The following IL1RAPL2 variants were observed in gnomAD, a reference collection of about 807,000 sequenced individuals.
IL1RAPL2 encodes the protein interleukin 1 receptor accessory protein like 2.
A neutral mutation model predicts 44.1 loss-of-function variants in IL1RAPL2; 3 were observed. The ratio of observed to expected loss-of-function variants is 0.07; its 90% confidence interval spans 0.03 to 0.18. IL1RAPL2 has a LOEUF of 0.18. Ranked by LOEUF, IL1RAPL2 falls within the 10% of genes least tolerant of loss-of-function variation. The probability of loss-of-function intolerance (pLI) is 1.00; values close to 1 mark genes in which losing one functional copy is unlikely to be tolerated. For missense variants in IL1RAPL2, 391 were observed against 496.4 expected (o/e 0.79, Z 2.02); for synonymous variants, 181 against 178.8 (o/e 1.01, Z -0.10).
In IL1RAPL2 at chrX:105,327,902, G is replaced by T. The variant is rs781190727; in HGVS notation, c.697+60361G>T. On this transcript the variant is annotated intron_variant, in intron 5 of 10. Coordinates refer to ENST00000372582, the MANE Select transcript of IL1RAPL2 (RefSeq NM_017416.2). ...TATACATTTAAATCAGCAAACCTTG[G>T]GAGAGCATACTTTCTCAGCAATGTT... Among the ~76,000 whole-genome samples, 4 of 111,097 alleles carry T rather than the reference G, an allele frequency of 3.6e-5. No homozygotes were observed. The South Asian group carries it at 1.5e-3, about 42-fold the overall frequency.
chrX:104,856,487 A>AT (rs1173193794), intron 2 of IL1RAPL2, among the ~76,000 whole-genome samples: 41 of 112,132 alleles, frequency 3.7e-4, no homozygotes, highest in African/African-American at 1.3e-3. Flanking sequence ...TTGATATGAA[A>AT]TTGGTAAGAA....
intron 5 of IL1RAPL2, among the ~76,000 whole-genome samples, chrX:105,407,960 A>T (rs1245447108): frequency 1.8e-5 from 2 of 112,007 alleles, no homozygotes; most frequent in African/African-American, 3.2e-5. Context: ...ATATTCATTT[A>T]ATTCAAATAC....
At chrX:105,010,797 G>A (rs761406440) in intron 2 of IL1RAPL2, among the ~76,000 whole-genome samples, 1 of 111,192 alleles carries the variant, frequency 9.0e-6, no homozygotes, top group African/African-American at 3.3e-5. Context: ...AATTAACAAA[G>A]TTTTATGGTG....
intron 2 of IL1RAPL2, among the ~76,000 whole-genome samples, chrX:105,155,042 A>T (rs1327618388): frequency 9.0e-6 from 1 of 111,467 alleles, no homozygotes; most frequent in South Asian, 3.7e-4. Flanking sequence ...CTTTGGTAAT[A>T]TATCTCATCC....
chrX:105,002,028 G>A (rs1027906633), intron 2 of IL1RAPL2, among the ~76,000 whole-genome samples: 2 of 110,910 alleles, frequency 1.8e-5, no homozygotes, highest in African/African-American at 6.5e-5. Context: ...TCTGCAGAAC[G>A]AATTTCGGAA....
chrX:105,260,800 G>A (rs1415313458), intron 4 of IL1RAPL2, among the ~76,000 whole-genome samples: 1 of 112,604 alleles, frequency 8.9e-6, no homozygotes, highest in Non-Finnish European at 1.9e-5. Flanking sequence ...CACCCAAACA[G>A]CAAAGATTCC....
intron 5 of IL1RAPL2, among the ~76,000 whole-genome samples, chrX:105,286,507 A>G (rs1235406830): frequency 1.8e-5 from 2 of 109,742 alleles, no homozygotes; most frequent in African/African-American, 3.3e-5. Context: ...TACTACTACT[A>G]TCACCATTAA....
chrX:104,695,803 C>T (rs775970289), intron 2 of IL1RAPL2, among the ~76,000 whole-genome samples: 2 of 110,779 alleles, frequency 1.8e-5, no homozygotes, highest in African/African-American at 3.3e-5. Context: ...GTAGGTACTG[C>T]GGTTTTCGTT....
intron 5 of IL1RAPL2, among the ~76,000 whole-genome samples, chrX:105,396,843 T>C (rs752097444): frequency 2.7e-5 from 3 of 110,920 alleles, no homozygotes; most frequent in Non-Finnish European, 5.7e-5. Flanking sequence ...TATTAGTTAG[T>C]ACATAAGTTC....
chrX:105,560,782 C>T (rs1054639591), intron 6 of IL1RAPL2, among the ~76,000 whole-genome samples: 6 of 109,422 alleles, frequency 5.5e-5, no homozygotes, highest in Non-Finnish European at 9.5e-5. Context: ...TTATGGAGTA[C>T]GGTGACATAT....
chrX:105,185,262 A>G (rs1484538002), intron 2 of IL1RAPL2, among the ~76,000 whole-genome samples: 4 of 112,169 alleles, frequency 3.6e-5, no homozygotes, highest in African/African-American at 1.3e-4. Flanking sequence ...GACATTAGCT[A>G]TATCTGCAAT....
chrX:104,990,182 A>T (rs368263137), intron 2 of IL1RAPL2, among the ~76,000 whole-genome samples: 2 of 112,341 alleles, frequency 1.8e-5, no homozygotes, highest in East Asian at 5.6e-4. Context: ...GCCGATGTGT[A>T]TCTCTTCACT....
chrX:104,916,929 A>G (rs1427910345), intron 2 of IL1RAPL2, among the ~76,000 whole-genome samples: 36 of 111,417 alleles, frequency 3.2e-4, no homozygotes, highest in Non-Finnish European at 6.4e-4. Flanking sequence ...CCACTTGATC[A>G]TGGTGGATAA....
intron 2 of IL1RAPL2, among the ~76,000 whole-genome samples, chrX:104,905,154 GT>G (rs1299416047): frequency 9.0e-6 from 1 of 111,452 alleles, no homozygotes; most frequent in Non-Finnish European, 1.9e-5. Context: ...GGGGTTGTTT[GT>G]TTTTTTCTTG....
In IL1RAPL2 at chrX:104,956,039, A is replaced by G. The variant is rs747749720; in HGVS notation, c.83-239436A>G. Among the ~76,000 whole-genome samples, 4 of 112,220 alleles carry G rather than the reference A, an allele frequency of 3.6e-5. No individual in the cohort carries two copies. In the South Asian group the frequency reaches 1.5e-3, roughly 42 times the overall value. ...ATCAGTACTTTTTTATTTGCTCCAC[A>G]AGTATTCTGTAGAAAACATGGTAAA... On this transcript the variant is annotated intron_variant, in intron 2 of 10. Transcript: ENST00000372582.
chrX:105,579,397 A>G (rs2147813658), intron 6 of IL1RAPL2, among the ~76,000 whole-genome samples: 1 of 112,070 alleles, frequency 8.9e-6, no homozygotes, highest in Admixed American at 9.5e-5. Flanking sequence ...AAACATATGC[A>G]ACATATTTTC....
At position 104,665,104 on chromosome X, in the gene IL1RAPL2, A is replaced by G. The variant is rs1333000662; in HGVS notation, c.82+6109A>G. On this transcript the variant is annotated intron_variant, in intron 2 of 10. Coordinates refer to ENST00000372582, the MANE Select transcript of IL1RAPL2 (RefSeq NM_017416.2). ...TATAAATAAGTTAATTTGTGTTTCT[A>G]TGCAATTTGCTTTTTTATCCTTTTG... is the stretch of plus-strand genomic sequence containing the variant. Among the ~76,000 whole-genome samples, 8 of 110,903 alleles carry G rather than the reference A, an allele frequency of 7.2e-5. No homozygotes were observed. In the East Asian group the frequency reaches 2.3e-3, roughly 31 times the overall value.
At chrX:105,219,004 A>G (rs1556172019) in intron 3 of IL1RAPL2, 16 of 1,208,583 alleles carry the variant, frequency 1.3e-5, no homozygotes, top group Non-Finnish European at 1.8e-5. Flanking sequence ...CCCACAGTCG[A>G]AGCAAGTATC....
chrX:105,084,465 G>A (rs956920466), intron 2 of IL1RAPL2, among the ~76,000 whole-genome samples: 7 of 112,925 alleles, frequency 6.2e-5, no homozygotes, highest in Non-Finnish European at 1.3e-4. Flanking sequence ...TCAGTTCAGC[G>A]TTTTAATATT....
Sources: gnomAD v4.1 joint callset for allele counts (sites outside exome capture counted in the v4.1 genomes callset) on GRCh38, gnomAD v4.1.1 for gene constraint, MANE v1.5 for transcripts, NCBI Gene and HGNC (gene_info 2026-07-23, HGNC 2026-07-21) for gene names.